Variants in HLCS observed in about 807,000 individuals in gnomAD.
The protein encoded by HLCS is biotin--protein ligase.
Under a neutral mutation model 75.0 loss-of-function variants are expected in HLCS, and 53 were observed. The observed-to-expected ratio is 0.71, with a 90% CI of 0.57 to 0.89. The LOEUF (loss-of-function observed/expected upper bound fraction) is 0.89. Ranked by LOEUF, HLCS falls within the 40% of genes least tolerant of loss-of-function variation. The probability of loss-of-function intolerance (pLI) is 0.00; values close to 1 mark genes in which losing one functional copy is unlikely to be tolerated. For missense variants in HLCS, 966 were observed against 1,074.0 expected (o/e 0.90, Z 1.41); for synonymous variants, 431 against 428.6 (o/e 1.01, Z -0.07).
chr21:36,985,768 GGA>G (rs547957516), intron 1 of HLCS, among the ~76,000 whole-genome samples: 78 of 149,038 alleles, frequency 5.2e-4, no homozygotes, highest in Non-Finnish European at 6.7e-4. Flanking sequence ...TTGGTCTTGG[GGA>G]AAAAAAAAAA....
At chr21:36,820,170 A>T (rs1045415118) in intron 6 of HLCS, among the ~76,000 whole-genome samples, 2 of 152,182 alleles carry the variant, frequency 1.3e-5, no homozygotes, top group Non-Finnish European at 2.9e-5. Flanking sequence ...GTGGCCTGGC[A>T]GCCCCTTCCC....
intron 8 of HLCS, among the ~76,000 whole-genome samples, chr21:36,763,838 A>G (rs2145762246): frequency 6.6e-6 from 1 of 152,310 alleles, no homozygotes; most frequent in Middle Eastern, 3.4e-3. Context: ...TGTCTTTTTA[A>G]TAACTGACAA....
chr21:36,807,418 C>T (rs972897539), intron 6 of HLCS, among the ~76,000 whole-genome samples: 2 of 152,334 alleles, frequency 1.3e-5, no homozygotes, highest in Non-Finnish European at 1.5e-5. Flanking sequence ...CATCTCCATA[C>T]GGGTGTGGAT....
At chr21:36,874,404 AAAAAT>A (rs201422824) in intron 6 of HLCS, among the ~76,000 whole-genome samples, 2 of 121,908 alleles carry the variant, frequency 1.6e-5, no homozygotes, top group Admixed American at 1.5e-4. Context: ...TCCGTCTCAA[AAAAAT>A]AAAATAAAAT....
chr21:36,953,960 C>T (rs2067794563), intron 2 of HLCS, among the ~76,000 whole-genome samples: 1 of 152,084 alleles, frequency 6.6e-6, no homozygotes, highest in African/African-American at 2.4e-5. Context: ...TCACGTATTT[C>T]TGGTGATGCC....
rs761490181 is a variant in HLCS at position 36,938,876 on chromosome 21, T to C, written c.449A>G (p.Asp150Gly). 1 of 1,614,108 alleles carries C rather than the reference T, an allele frequency of 6.2e-7. No homozygotes were observed. The highest frequency in any genetic ancestry group is 2.2e-5 in the East Asian group (1 of 44,882). The change falls in exon 3 of 11, where the codon GAT (aspartate) becomes GGT (glycine). Residue 150 changes from aspartate to glycine, a missense_variant. Physicochemically the swap from Asp to Gly is moderately conservative, Grantham distance 94. Coordinates refer to ENST00000674895, the MANE Select transcript of HLCS (RefSeq NM_001352514.2). ...CAGTCCATTATCCATGTGGAGTCTATCTTCCATGAACGCCACCCCCAGCTT... is the reference window on the plus strand; with the variant it reads ...CAGTCCATTATCCATGTGGAGTCTACCTTCCATGAACGCCACCCCCAGCTT... ...FSKLGVAFME[D>G]RLHMDNGLVP...
In HLCS at chr21:36,749,611, G is replaced by C. The variant is rs536178658; in HGVS notation, c.*4635C>G. 2 of 152,222 alleles carry C rather than the reference G, an allele frequency of 1.3e-5. No individual in the cohort carries two copies. Among genetic ancestry groups the C allele is most frequent in the South Asian group, 4.2e-4 (2 of 4,816 alleles). The allele number at this position is 152,222 out of a possible 1,614,324, so 9.4% of individuals were successfully genotyped here. On this transcript the variant is annotated 3_prime_UTR_variant, in exon 11 of 11. Coordinates refer to ENST00000674895, the MANE Select transcript of HLCS (RefSeq NM_001352514.2). ...CTGGATGGTAGGAAGGGATGTGCCC[G>C]CCTCTCCACGCACTCAGCTATACCT... is the stretch of plus-strand genomic sequence containing the variant.
intron 6 of HLCS, among the ~76,000 whole-genome samples, chr21:36,851,252 C>T (rs2062994990): frequency 6.6e-6 from 1 of 152,188 alleles, no homozygotes; most frequent in African/African-American, 2.4e-5. Flanking sequence ...AGCCTATTCA[C>T]AGTAGCCAAG....
At chr21:36,777,770 G>T (rs1340926698) in intron 6 of HLCS, among the ~76,000 whole-genome samples, 3 of 152,158 alleles carry the variant, frequency 2.0e-5, no homozygotes, top group African/African-American at 7.2e-5. Flanking sequence ...GACATCGGGA[G>T]GCAGGCAGTG....
intron 5 of HLCS, among the ~76,000 whole-genome samples, chr21:36,925,229 G>A (rs1043470768): frequency 6.6e-6 from 1 of 152,018 alleles, no homozygotes; most frequent in African/African-American, 2.4e-5. Context: ...GATTTTGCCC[G>A]ATCATTTCAG....
intron 5 of HLCS, among the ~76,000 whole-genome samples, chr21:36,921,565 A>G (rs919916683): frequency 6.6e-6 from 1 of 152,246 alleles, no homozygotes; most frequent in Non-Finnish European, 1.5e-5. Flanking sequence ...TGGCTCAGGA[A>G]AGCCTCATGG....
chr21:36,966,434 AC>A lies in HLCS; in HGVS notation c.195+9del. 1 of 151,534 alleles carries A rather than the reference AC, an allele frequency of 6.6e-6. No individual in the cohort carries two copies. The highest frequency in any genetic ancestry group is 1.1e-5 in the Non-Finnish European group (1 of 94,386). The allele number at this position is 151,534 out of a possible 1,614,324, so 9.4% of individuals were successfully genotyped here. A position where few individuals can be genotyped will look rare whatever the true frequency, so the allele number is the denominator to read the frequency against. ...GGGGCCCGGGTCGCCCGCCCGCCCG[AC>A]CCGCCCACCTGGCTGTCGCTGACGC... On this transcript the variant is annotated intron_variant, in intron 1 of 10. Transcript: ENST00000674895.
At chr21:36,829,086 A>G (rs1463352335) in intron 6 of HLCS, among the ~76,000 whole-genome samples, 1 of 152,062 alleles carries the variant, frequency 6.6e-6, no homozygotes, top group Non-Finnish European at 1.5e-5. Context: ...AACTTTACAC[A>G]TTGTCTTTGG....
chr21:36,884,642 C>A (rs1243292576), intron 6 of HLCS, among the ~76,000 whole-genome samples: 1 of 152,228 alleles, frequency 6.6e-6, no homozygotes, highest in African/African-American at 2.4e-5. Flanking sequence ...ATAGAGAAGT[C>A]CCTGTCACCC....
intron 6 of HLCS, among the ~76,000 whole-genome samples, chr21:36,890,860 G>T (rs536257128): frequency 3.5e-4 from 54 of 152,258 alleles, no homozygotes; most frequent in African/African-American, 1.3e-3. Flanking sequence ...CCTAAATCTG[G>T]TAGACCCTGG....
At chr21:36,762,821 G>A (rs1010329749) in intron 8 of HLCS, among the ~76,000 whole-genome samples, 9 of 152,224 alleles carry the variant, frequency 5.9e-5, no homozygotes, top group South Asian at 2.1e-4. Context: ...GGCCTCCAGC[G>A]CCTGGCGCAC....
rs376942757 is a variant in HLCS at position 36,754,432 on chromosome 21, C to T, written c.2451-15G>A. The stretch of plus-strand genomic sequence containing the variant: ...CTTGCTGACCACTGAAAAGGAAGAA[C>T]AGCGTGCGGTCACTGGGAGGTGTCA... On this transcript the variant is annotated splice_polypyrimidine_tract_variant and intron_variant, in intron 10 of 10. Coordinates refer to ENST00000674895, the MANE Select transcript of HLCS (RefSeq NM_001352514.2). 1.2e-6 allele frequency: 2 copies of T among 1,608,924 alleles called. No homozygotes were observed. Among genetic ancestry groups the T allele is most frequent in the Non-Finnish European group, 8.5e-7 (1 of 1,179,526 alleles).
At chr21:36,969,474 G>C (rs1207591058), upstream of HLCS, 2 of 152,126 alleles carry the variant, frequency 1.3e-5, no homozygotes, top group Non-Finnish European at 2.9e-5. Context: ...ATTAAAGTTA[G>C]AGAAGCACTG....
chr21:36,833,838 C>T (rs1002504625), intron 6 of HLCS, among the ~76,000 whole-genome samples: 2 of 152,024 alleles, frequency 1.3e-5, no homozygotes, highest in Non-Finnish European at 2.9e-5. Context: ...ATATTTCCTG[C>T]GATCAAAATT....
Sources: gnomAD v4.1 joint callset for allele counts (sites outside exome capture counted in the v4.1 genomes callset) on GRCh38, gnomAD v4.1.1 for gene constraint, MANE v1.5 for transcripts, NCBI Gene and HGNC (gene_info 2026-07-23, HGNC 2026-07-21) for gene names.